Variants in POU2F1 observed in about 807,000 individuals in gnomAD.
The protein encoded by POU2F1 is POU domain, class 2, transcription factor 1.
In POU2F1, 16 loss-of-function variants were observed where a neutral mutation model predicts 84.9. The observed-to-expected ratio is 0.19, with a 90% confidence interval of 0.13 to 0.29. POU2F1 has a LOEUF of 0.29. Ranked by LOEUF, POU2F1 falls within the 10% of genes least tolerant of loss-of-function variation. POU2F1 has a pLI of 1.00. For synonymous variants in POU2F1, 368 were observed against 368.3 expected (o/e 1.00, Z 0.01); for missense variants, 738 against 942.6 (o/e 0.78, Z 2.84).
intron 1 of POU2F1, among the ~76,000 whole-genome samples, chr1:167,306,156 G>A (rs1402917054): frequency 6.6e-6 from 1 of 152,184 alleles, no homozygotes; most frequent in Non-Finnish European, 1.5e-5. Flanking sequence ...TGGGACTGCT[G>A]TATAGTGTTC....
intron 1 of POU2F1, among the ~76,000 whole-genome samples, chr1:167,232,496 G>A (rs1345718425): frequency 1.3e-5 from 2 of 152,194 alleles, no homozygotes; most frequent in East Asian, 1.9e-4. Flanking sequence ...TGTACAGTGT[G>A]TTTGAAACTG....
At chr1:167,248,336 T>C (rs1396577705) in intron 1 of POU2F1, among the ~76,000 whole-genome samples, 3 of 152,248 alleles carry the variant, frequency 2.0e-5, no homozygotes, top group Admixed American at 2.0e-4. Context: ...CTTTATCGTC[T>C]AATTTCCATC....
chr1:167,328,340 T>A (rs1036824039), intron 1 of POU2F1, among the ~76,000 whole-genome samples: 2 of 152,200 alleles, frequency 1.3e-5, no homozygotes, highest in Non-Finnish European at 2.9e-5. Context: ...TGCTTCTGGG[T>A]TTACTGTTGC....
At chr1:167,296,323 C>T (rs1229183156) in intron 1 of POU2F1, among the ~76,000 whole-genome samples, 2 of 152,266 alleles carry the variant, frequency 1.3e-5, no homozygotes, top group East Asian at 3.9e-4. Context: ...CATATTGTAA[C>T]ACATCTTTAT....
chr1:167,307,568 A>G (rs1342624222), intron 1 of POU2F1, among the ~76,000 whole-genome samples: 4 of 152,200 alleles, frequency 2.6e-5, no homozygotes, highest in Non-Finnish European at 5.9e-5. Context: ...AGTTACAGAA[A>G]AAATGAAAGA....
chr1:167,253,333 A>G lies in POU2F1; in HGVS notation c.61+32375A>G, dbSNP rs186486700. On this transcript the variant is annotated intron_variant, in intron 1 of 15. Coordinates refer to ENST00000367866, the MANE Select transcript of POU2F1 (RefSeq NM_002697.4). Reference sequence around the variant, plus strand: ...TTTACTAACTCTCTTGTAGAACAAGATGTCATTTTTTCCTACTATTCTGTT... The same window carrying G: ...TTTACTAACTCTCTTGTAGAACAAGGTGTCATTTTTTCCTACTATTCTGTT... Among the ~76,000 whole-genome samples the G allele has an allele frequency of 4.3e-4, 63 of 147,658 alleles. 1 individual carries two copies. The East Asian group carries it at 0.011, about 26-fold the overall frequency.
At chr1:167,224,004 G>A (rs1648434585) in intron 1 of POU2F1, among the ~76,000 whole-genome samples, 2 of 152,152 alleles carry the variant, frequency 1.3e-5, no homozygotes, top group African/African-American at 2.4e-5. Context: ...TTCCTTTATA[G>A]CTGCAATTTA....
chr1:167,250,182 G>A (rs113592570), intron 1 of POU2F1, among the ~76,000 whole-genome samples: 13 of 151,708 alleles, frequency 8.6e-5, no homozygotes, highest in Admixed American at 4.6e-4. Flanking sequence ...TTTTCCTTCC[G>A]GAAAATAGAG....
intron 1 of POU2F1, among the ~76,000 whole-genome samples, chr1:167,289,211 A>G: frequency 6.6e-6 from 1 of 152,138 alleles, no homozygotes. Context: ...GTGGACTTAA[A>G]TCTAATATCC....
chr1:167,280,191 GA>G (rs56375901), intron 1 of POU2F1, among the ~76,000 whole-genome samples: 3,875 of 62,970 alleles, frequency 0.062, 78 homozygotes, highest in South Asian at 0.094. Flanking sequence ...CTGTCTCGGG[GA>G]AAAAAAAAAA....
At chr1:167,295,002 A>G (rs1654187120) in intron 1 of POU2F1, among the ~76,000 whole-genome samples, 1 of 151,754 alleles carries the variant, frequency 6.6e-6, no homozygotes, top group African/African-American at 2.4e-5. Flanking sequence ...GGTGTGGTAG[A>G]GGGTGCCTAA....
At chr1:167,334,004 T>TG (rs1362657753) in intron 2 of POU2F1, among the ~76,000 whole-genome samples, 1 of 151,398 alleles carries the variant, frequency 6.6e-6, no homozygotes, top group Non-Finnish European at 1.5e-5. Flanking sequence ...AACATACTTT[T>TG]TTTTTCCCTA....
At chr1:167,380,894 A>G (rs1647485522) in intron 7 of POU2F1, 3 of 152,202 alleles carry the variant, frequency 2.0e-5, no homozygotes, top group Admixed American at 2.0e-4. Flanking sequence ...ATTATTTTTC[A>G]TGGGAAAATT....
rs187188935 is a variant in POU2F1, at chr1:167,321,449, G to A, written c.62-11021G>A. 6.7e-3 allele frequency among the ~76,000 whole-genome samples: 1,016 copies of A among 152,330 alleles called. 5 individuals carry two copies. The highest frequency in any genetic ancestry group is 0.014 in the Middle Eastern group (4 of 294). On this transcript the variant is annotated intron_variant, in intron 1 of 15. Coordinates refer to ENST00000367866, the MANE Select transcript of POU2F1 (RefSeq NM_002697.4). ...ATAGCAGGAGAAGGCAATCCTGGCT[G>A]TAATGCCCCCATAGGTTGTATAACT...
intron 2 of POU2F1, among the ~76,000 whole-genome samples, chr1:167,348,850 A>G (rs2101779695): frequency 6.6e-6 from 1 of 152,314 alleles, no homozygotes; most frequent in Non-Finnish European, 1.5e-5. Context: ...TCTAAGAGCA[A>G]GTAAGTGCTC....
intron 1 of POU2F1, among the ~76,000 whole-genome samples, chr1:167,273,014 G>T (rs1652478970): frequency 6.6e-6 from 1 of 152,194 alleles, no homozygotes. Flanking sequence ...TACAGGCATT[G>T]AGTAAACACA....
intron 7 of POU2F1, among the ~76,000 whole-genome samples, chr1:167,381,295 G>T (rs544003861): frequency 4.6e-5 from 7 of 152,218 alleles, no homozygotes; most frequent in Non-Finnish European, 8.8e-5. Flanking sequence ...GTGTTAGCCA[G>T]GATGGTCTCG....
intron 1 of POU2F1, among the ~76,000 whole-genome samples, chr1:167,273,795 T>C (rs1169032807): frequency 6.6e-6 from 1 of 152,218 alleles, no homozygotes; most frequent in East Asian, 1.9e-4. Context: ...CTTGAACTTG[T>C]GGTCTTTCCC....
chr1:167,329,504 C>T (rs1253214895), intron 1 of POU2F1, among the ~76,000 whole-genome samples: 1 of 152,140 alleles, frequency 6.6e-6, no homozygotes. Context: ...CTGTGACTAG[C>T]TCTTCTGATT....
Sources: allele counts gnomAD v4.1 joint callset (sites outside exome capture counted in the v4.1 genomes callset), GRCh38; gene constraint gnomAD v4.1.1; transcripts MANE v1.5; gene names NCBI Gene and HGNC (gene_info 2026-07-23, HGNC 2026-07-21).